Variants in MGST1 observed in about 807,000 individuals in gnomAD.
MGST1 encodes the protein glutathione S-transferase 12.
Under a neutral mutation model 8.9 loss-of-function variants are expected in MGST1, and 5 were observed. That is an observed-to-expected ratio of 0.56 (90% CI 0.29 to 1.19). The LOEUF is 1.19. MGST1 is among the 50% of genes most tolerant of loss of function. The pLI is 0.08. For missense variants in MGST1, 182 were observed against 187.4 expected (o/e 0.97, Z 0.17); for synonymous variants, 54 against 67.8 (o/e 0.80, Z 1.00).
intron 4 of MGST1, among the ~76,000 whole-genome samples, chr12:16,476,688 A>G (rs898347750): frequency 1.3e-5 from 2 of 152,168 alleles, no homozygotes; most frequent in Admixed American, 1.3e-4. Flanking sequence ...TAATTTTTTG[A>G]TAAGGTCAGA....
In MGST1 at chr12:16,410,900, AC is replaced by A. The variant is rs765834520; in HGVS notation, n.779-26485del. On this transcript the variant is annotated intron_variant and non_coding_transcript_variant, in intron 1 of 1. Coordinates refer to the MGST1 transcript ENST00000359720. This position sits in a 1 kb window ranked among gnomAD's most constrained non-coding sequence, Gnocchi z 4.4. ...GAATCACTATTTCTCTTGCTTTTGT[AC>A]CCTGCCAGGCTGGCCTATGTTCAAT... is the stretch of plus-strand genomic sequence containing the variant. Among the ~76,000 whole-genome samples the A allele has an allele frequency of 5.9e-5, 9 of 151,768 alleles. No homozygotes were observed. Among genetic ancestry groups the A allele is most frequent in the Non-Finnish European group, 1.2e-4 (8 of 67,958 alleles).
At chr12:16,417,696 A>G (rs148960069) in intron 1 of MGST1, among the ~76,000 whole-genome samples, 1 of 152,162 alleles carries the variant, frequency 6.6e-6, no homozygotes, top group Non-Finnish European at 1.5e-5. Flanking sequence ...AAGCAAATCA[A>G]TACCTCTAAC....
chr12:16,590,533 G>A (rs544767613), downstream of MGST1, among the ~76,000 whole-genome samples: 25 of 151,618 alleles, frequency 1.6e-4, no homozygotes, highest in Non-Finnish European at 2.8e-4. Flanking sequence ...CTAGAATAGC[G>A]GACTTCAAGA....
At chr12:16,365,229 T>A, downstream of MGST1, among the ~76,000 whole-genome samples, 1 of 151,122 alleles carries the variant, frequency 6.6e-6, no homozygotes, top group Non-Finnish European at 1.5e-5. Context: ...TTTCTACATA[T>A]AACTATGTAG....
chr12:16,371,247 G>C (rs16911901), intron 3 of MGST1, among the ~76,000 whole-genome samples: 4,722 of 152,010 alleles, frequency 0.031, 197 homozygotes, highest in African/African-American at 0.091. Flanking sequence ...AATTAGTTAG[G>C]TTCTACCTAG....
chr12:16,516,665 C>A (rs1941617553), intron 4 of MGST1, among the ~76,000 whole-genome samples: 1 of 152,072 alleles, frequency 6.6e-6, no homozygotes, highest in Non-Finnish European at 1.5e-5. Context: ...AGGCAATGAG[C>A]CTCTCAGAAG....
chr12:16,564,453 C>T (rs766126097), intron 4 of MGST1, among the ~76,000 whole-genome samples: 28 of 152,180 alleles, frequency 1.8e-4, no homozygotes, highest in Non-Finnish European at 3.4e-4. Context: ...AACGTTCCTG[C>T]GGACTGGGGG....
downstream of MGST1, among the ~76,000 whole-genome samples, chr12:16,366,420 C>T (rs1940189029): frequency 6.6e-6 from 1 of 152,084 alleles, no homozygotes; most frequent in African/African-American, 2.4e-5. This position sits in a 1 kb window ranked among gnomAD's most constrained non-coding sequence, Gnocchi z 4.0. Flanking sequence ...AACAAGGATT[C>T]CCCACCTGAC....
chr12:16,402,070 A>G (rs1940660429), intron 1 of MGST1: 1 of 1,565,916 alleles, frequency 6.4e-7, no homozygotes, highest in Admixed American at 1.7e-5. Context: ...ATTTTGTCAA[A>G]GCTATTCTTA....
intron 3 of MGST1, among the ~76,000 whole-genome samples, chr12:16,375,923 G>A (rs1006103795): frequency 1.3e-5 from 2 of 151,688 alleles, no homozygotes; most frequent in Admixed American, 6.6e-5. Context: ...AAATGAATAC[G>A]CTCCCATGCC....
chr12:16,528,823 G>A (rs1424065640), intron 4 of MGST1, among the ~76,000 whole-genome samples: 1 of 152,056 alleles, frequency 6.6e-6, no homozygotes, highest in Non-Finnish European at 1.5e-5. Flanking sequence ...AAGAGCCCAT[G>A]TGGATTGGGG....
intron 1 of MGST1, among the ~76,000 whole-genome samples, chr12:16,387,006 C>T (rs571141374): frequency 6.6e-6 from 1 of 152,290 alleles, no homozygotes; most frequent in South Asian, 2.1e-4. Context: ...ATAATGGCCC[C>T]AAAGTCCAAG....
Position 16,351,982 on chromosome 12 carries a change from C to G in MGST1, c.-22-2249C>G, listed in dbSNP as rs148071473. Among the ~76,000 whole-genome samples, 330 of 152,206 alleles carry G rather than the reference C, an allele frequency of 2.2e-3. 1 individual carries two copies. Among genetic ancestry groups the G allele is most frequent in the African/African-American group, 7.6e-3 (317 of 41,536 alleles). Reference sequence around the variant, plus strand: ...CACAGAGTAGGCATTCACTTAATGTCAATTGAATTAGAATTAAGCAGAATT... The same window carrying G: ...CACAGAGTAGGCATTCACTTAATGTGAATTGAATTAGAATTAAGCAGAATT... On this transcript the variant is annotated intron_variant, in intron 1 of 3. Transcript: ENST00000396210.
At position 16,547,776 on chromosome 12, in the gene MGST1, A is replaced by C. The variant is rs1267050769; in HGVS notation, n.483-41752A>C. Among the ~76,000 whole-genome samples the C allele has an allele frequency of 6.6e-6, 1 of 152,218 alleles. No homozygotes were observed. The highest frequency in any genetic ancestry group is 2.4e-5 in the African/African-American group (1 of 41,466). On this transcript the variant is annotated intron_variant and non_coding_transcript_variant, in intron 4 of 4. Transcript: ENST00000538857. This position sits in a 1 kb window ranked among gnomAD's most constrained non-coding sequence, Gnocchi z 4.6. ...TTTGCTAAAATTGTATTTTGTGCTA[A>C]TGGCCTATTACAATAAACATGCAGA...
chr12:16,577,076 C>T (rs1943017656), intron 4 of MGST1, among the ~76,000 whole-genome samples: 2 of 152,300 alleles, frequency 1.3e-5, no homozygotes, highest in South Asian at 2.1e-4. Flanking sequence ...GGTGCCAACA[C>T]ATCAGAATTC....
At position 16,485,252 on chromosome 12, in the gene MGST1, C is replaced by T. The variant is rs188749915; in HGVS notation, n.482+101648C>T. On this transcript the variant is annotated intron_variant and non_coding_transcript_variant, in intron 4 of 4. Transcript: ENST00000538857. Reference sequence around the variant, plus strand: ...ATCTTCTACTTGGCCATCGAATGCTCGTTGTCTCAAGGCTTAGTCCCAGGC... The same window carrying T: ...ATCTTCTACTTGGCCATCGAATGCTTGTTGTCTCAAGGCTTAGTCCCAGGC... Among the ~76,000 whole-genome samples the T allele has an allele frequency of 2.0e-3, 300 of 152,226 alleles. 1 individual carries two copies. Among genetic ancestry groups the T allele is most frequent in the Middle Eastern group, 0.01 (3 of 294 alleles).
rs956993889 is a variant in MGST1, at chr12:16,585,143, C to T, written n.483-4385C>T. On this transcript the variant is annotated intron_variant and non_coding_transcript_variant, in intron 4 of 4. Coordinates refer to the MGST1 transcript ENST00000538857. This position sits in a 1 kb window ranked among gnomAD's most constrained non-coding sequence, Gnocchi z 4.7. ...AGTCATGGCTTCCCCCTTTGGGTGG[C>T]GCATGCAAGCCCCAGTTCACAACGT... Among the ~76,000 whole-genome samples the T allele has an allele frequency of 5.3e-5, 8 of 152,162 alleles. No homozygotes were observed. The highest frequency in any genetic ancestry group is 1.2e-4 in the African/African-American group (5 of 41,452).
intron 3 of MGST1, among the ~76,000 whole-genome samples, chr12:16,360,003 T>C (rs1359279430): frequency 1.3e-5 from 2 of 152,174 alleles, no homozygotes; most frequent in Non-Finnish European, 2.9e-5. Flanking sequence ...AAATGAATGT[T>C]AGAAAGAACA....
At chr12:16,460,566 G>C (rs888796299) in intron 4 of MGST1, among the ~76,000 whole-genome samples, 16 of 150,950 alleles carry the variant, frequency 1.1e-4, no homozygotes, top group African/African-American at 3.9e-4. Flanking sequence ...AGCCTGCCTA[G>C]GGCTTTTGTG....
Sources: gnomAD v4.1 joint callset for allele counts (sites outside exome capture counted in the v4.1 genomes callset) on GRCh38, gnomAD v4.1.1 for gene constraint, Gnocchi (gnomAD v3.1) non-coding constraint, MANE v1.5 for transcripts, NCBI Gene and HGNC (gene_info 2026-07-23, HGNC 2026-07-21) for gene names.